Variants in RCC1 observed in about 807,000 individuals in gnomAD.
The protein encoded by RCC1 is regulator of chromosome condensation.
In RCC1, 11 loss-of-function variants were observed where a neutral mutation model predicts 44.4. The ratio of observed to expected loss-of-function variants is 0.25; its 90% CI spans 0.16 to 0.41. The LOEUF (loss-of-function observed/expected upper bound fraction) is 0.41. Among genes scored for constraint, RCC1 ranks in the 10% least tolerant of loss-of-function variants. The probability of loss-of-function intolerance (pLI) is 1.00; values close to 1 mark genes in which losing one functional copy is unlikely to be tolerated. For missense variants in RCC1, 386 were observed against 547.1 expected, an observed-to-expected ratio of 0.71 and a Z score of 2.94; for synonymous variants, 213 against 216.5, an observed-to-expected ratio of 0.98 and a Z score of 0.14.
intron 9 of RCC1, 62 bp from the exon 10 acceptor site, chr1:28,535,809 G>A (rs1664512074): frequency 1.2e-5 from 18 of 1,552,772 alleles, no homozygotes; most frequent in Middle Eastern, 1.7e-4. Flanking sequence ...AATTAAACTC[G>A]GGGCAGAGAG....
intron 4 of RCC1, among the ~76,000 whole-genome samples, chr1:28,519,137 CAG>C (rs1376765721): frequency 1.3e-5 from 2 of 152,130 alleles, no homozygotes; most frequent in African/African-American, 4.8e-5. Flanking sequence ...TTTGAAGGAA[CAG>C]AGTTTTTCAG....
At chr1:28,509,437 TCAC>T (rs944426282) in intron 3 of RCC1, 5 of 156,908 alleles carry the variant, frequency 3.2e-5, no homozygotes, top group Admixed American at 3.1e-4. Flanking sequence ...AGATGAGGTT[TCAC>T]CATATTGGCC....
At position 28,508,851 on chromosome 1, in the gene RCC1, C is replaced by CT. The variant is rs1662265347; in HGVS notation, c.-207_-206insT. On this transcript the variant is annotated 5_prime_UTR_variant, in exon 3 of 13. Transcript: ENST00000683442. ...TTAGGAGAGAAGACGATCTGCACTT[C>CT]GCATTTTGGCATTGACATTTAATTT... 3 of 517,184 alleles carry CT rather than the reference C, an allele frequency of 5.8e-6. No homozygotes were observed. Among genetic ancestry groups the CT allele is most frequent in the Admixed American group, 2.0e-5 (1 of 51,170 alleles). 32.0% of individuals were successfully genotyped at this position (517,184 alleles called of 1,614,324 possible).
At chr1:28,532,536 G>C (rs1440245450) in intron 7 of RCC1, 186 bp downstream of exon 7, 2 of 610,650 alleles carry the variant, frequency 3.3e-6, no homozygotes, top group Non-Finnish European at 5.8e-6. Context: ...GCCACTGGCT[G>C]CTTCCTTGAA....
chr1:28,511,403 GTTTTTTT>G (rs201429762), intron 3 of RCC1, among the ~76,000 whole-genome samples: 7 of 141,434 alleles, frequency 4.9e-5, no homozygotes, highest in African/African-American at 1.3e-4. Flanking sequence ...TTTGTTTTTT[GTTTTTTT>G]TTTTTTTTGA....
At chr1:28,506,159 C>G (rs1661901456) in intron 1 of RCC1, 75 bp downstream of exon 1, 1 of 449,434 alleles carries the variant, frequency 2.2e-6, no homozygotes, top group Admixed American at 2.5e-5. Flanking sequence ...AGATCAGTAG[C>G]CGAGCTTCCC....
rs375543488 is a variant in RCC1, at chr1:28,531,144, G to A, written c.74-659G>A. 1.0e-3 allele frequency among the ~76,000 whole-genome samples: 154 copies of A among 151,754 alleles called. 4 individuals carry two copies. In the East Asian group the frequency reaches 0.025, roughly 24 times the overall value. The stretch of plus-strand genomic sequence containing the variant: ...CTCAGGAGGCTGAGGCAGAGGAATC[G>A]CTTGAACCCGGGAGGCAGAGGTTGC... On this transcript the variant is annotated intron_variant, in intron 5 of 12. Coordinates refer to ENST00000683442, the MANE Select transcript of RCC1 (RefSeq NM_001381865.2).
intron 1 of RCC1, 132 bp downstream of exon 1, chr1:28,506,216 TGAGACGGAG>T: frequency 2.3e-6 from 1 of 436,928 alleles, no homozygotes; most frequent in African/African-American, 2.1e-5. Context: ...TTTTTTTTTT[TGAGACGGAG>T]TCGGTTTGTC....
intron 4 of RCC1, among the ~76,000 whole-genome samples, chr1:28,525,491 A>G (rs370196647): frequency 6.6e-6 from 1 of 152,226 alleles, no homozygotes; most frequent in Admixed American, 6.5e-5. Flanking sequence ...GATACAGTTC[A>G]GAGAGGTTAA....
Position 28,538,052 on chromosome 1 carries a change from A to C in RCC1, c.*45A>C. On this transcript the variant is annotated 3_prime_UTR_variant, in exon 13 of 13. Coordinates refer to ENST00000683442, the MANE Select transcript of RCC1 (RefSeq NM_001381865.2). ...GCTTCTGTCCTGCACAACCTCCCTC[A>C]CAGAACAGGGAAGCAGTGACAGCTG... 1 of 1,573,388 alleles carries C rather than the reference A, an allele frequency of 6.4e-7. No homozygotes were observed. Among genetic ancestry groups the C allele is most frequent in the Non-Finnish European group, 8.7e-7 (1 of 1,155,540 alleles).
At position 28,522,352 on chromosome 1, in the gene RCC1, A is replaced by T. The variant is rs1013824959; in HGVS notation, c.-10+5485A>T. Reference sequence around the variant, plus strand: ...AGGAGATTGTGTGGGAAGAGAAGGGAGGATGTGATAGATAGGAAATGAAGC... The same window carrying T: ...AGGAGATTGTGTGGGAAGAGAAGGGTGGATGTGATAGATAGGAAATGAAGC... On this transcript the variant is annotated intron_variant, in intron 4 of 12. Coordinates refer to ENST00000683442, the MANE Select transcript of RCC1 (RefSeq NM_001381865.2). Among the ~76,000 whole-genome samples, 8 of 152,062 alleles carry T rather than the reference A, an allele frequency of 5.3e-5. No individual in the cohort carries two copies. In the East Asian group the frequency reaches 5.8e-4, roughly 11 times the overall value.
chr1:28,509,108 A>G, intron 3 of RCC1: 1 of 334,864 alleles, frequency 3.0e-6, no homozygotes, highest in South Asian at 2.4e-5. Context: ...CAGCCCTCAT[A>G]CCTCTTTTAA....
intron 5 of RCC1, among the ~76,000 whole-genome samples, chr1:28,531,456 C>T (rs566580103): frequency 1.3e-5 from 2 of 151,842 alleles, no homozygotes; most frequent in South Asian, 4.2e-4. Context: ...CTCAAGTGAT[C>T]CGCCCGCCTT....
rs961298093 is a variant in RCC1 at position 28,532,064 on chromosome 1, C to T, written c.261+74C>T. 42 of 1,559,910 alleles carry T rather than the reference C, an allele frequency of 2.7e-5. No individual in the cohort carries two copies. In the African/African-American group the frequency reaches 5.4e-4, roughly 20 times the overall value. On this transcript the variant is annotated intron_variant, in intron 6 of 12. Coordinates refer to ENST00000683442, the MANE Select transcript of RCC1 (RefSeq NM_001381865.2). ...GGCTTGGGGCAGGGCTTTTGAACCA[C>T]GCATGTTCACTGTGGAAATGGAGCT...
chr1:28,527,338 C>A (rs1220009785), intron 4 of RCC1: 1 of 509,904 alleles, frequency 2.0e-6, no homozygotes, highest in East Asian at 4.0e-5. Context: ...CTCCCAGGCT[C>A]ACGCCATCCT....
intron 4 of RCC1, chr1:28,527,308 C>T: frequency 1.8e-6 from 1 of 561,472 alleles, no homozygotes; most frequent in South Asian, 1.9e-5. Flanking sequence ...GGCACAATCT[C>T]AGCTCAATTT....
chr1:28,535,307 G>C lies in RCC1; in HGVS notation c.588G>C (p.Leu196Phe). 1 of 1,614,212 alleles carries C rather than the reference G, an allele frequency of 6.2e-7. No individual in the cohort carries two copies. Among genetic ancestry groups the C allele is most frequent in the Admixed American group, 1.7e-5 (1 of 60,020 alleles). ...CAGCTGATGGTGACCTCTACACCTT[G>C]GGCTGCGGGGAACAGGGCCAGCTAG... Reference protein sequence around the residue: ...MLTADGDLYTLGCGEQGQLGR... With the variant: ...MLTADGDLYTFGCGEQGQLGR... The change falls in exon 9 of 13, where the codon TTG becomes TTC. Residue 196 changes from leucine (L) to phenylalanine (F), a missense_variant. Transcript: ENST00000683442.
At chr1:28,507,216 T>G (rs1278000395) in intron 1 of RCC1, 2 of 404,576 alleles carry the variant, frequency 4.9e-6, no homozygotes, top group African/African-American at 4.1e-5. Context: ...TGAATATGCA[T>G]GTTACCAGTC....
chr1:28,529,154 A>G, intron 4 of RCC1, among the ~76,000 whole-genome samples: 1 of 125,906 alleles, frequency 7.9e-6, no homozygotes, highest in African/African-American at 3.1e-5. Flanking sequence ...AAGTACTGGG[A>G]TTACAGGCGT....
Sources: gnomAD v4.1 joint callset for allele counts (sites outside exome capture counted in the v4.1 genomes callset) on GRCh38, gnomAD v4.1.1 for gene constraint, MANE v1.5 for transcripts, NCBI Gene and HGNC (gene_info 2026-07-23, HGNC 2026-07-21) for gene names.